The following SLC1A1 variants were observed in gnomAD, a reference collection of about 807,000 sequenced individuals.
The protein encoded by SLC1A1 is solute carrier family 1 member 1, also known as excitatory amino acid transporter 3.
Under a neutral mutation model 53.3 loss-of-function variants are expected in SLC1A1, and 43 were observed. The ratio of observed to expected loss-of-function variants is 0.81; its 90% CI spans 0.63 to 1.04. SLC1A1 has a LOEUF of 1.04. Among genes scored for constraint, SLC1A1 ranks in the 50% least tolerant of loss-of-function variants. The pLI is 0.00. For synonymous variants in SLC1A1, 307 were observed against 243.2 expected (o/e 1.26, Z -2.44); for missense variants, 748 against 664.9 (o/e 1.12, Z -1.37).
chr9:4,572,277 G>C lies in SLC1A1; in HGVS notation c.656G>C (p.Cys219Ser). Residue 219 changes from cysteine (C) to serine (S), a missense_variant, in exon 7 of 12, where the codon TGC becomes TCC. Physicochemically the swap from Cys to Ser is moderately radical, Grantham distance 112. Transcript: ENST00000262352. ...GINVLGLIVF[C>S]LVFGLVIGKM... ...AACGTCCTGGGCTTGATTGTCTTTT[G>C]CCTTGTCTTTGGACTTGTCATTGGA... 6.2e-7 allele frequency: 1 copy of C among 1,614,072 alleles called. No homozygotes were observed. The highest frequency in any genetic ancestry group is 1.1e-5 in the South Asian group (1 of 91,078).
intron 7 of SLC1A1, 42 bp downstream of exon 7, chr9:4,572,430 A>G (rs1173976459): frequency 1.3e-6 from 2 of 1,517,614 alleles, no homozygotes; most frequent in East Asian, 4.5e-5. Flanking sequence ...TCCCCTGACA[A>G]TTCTGTCTCC....
chr9:4,572,291 C>A lies in SLC1A1; in HGVS notation c.670C>A (p.Leu224Ile), dbSNP rs776215598. The change falls in exon 7 of 12, where the codon CTT (leucine) becomes ATT (isoleucine). Residue 224 changes from leucine to isoleucine, a missense_variant. Transcript: ENST00000262352. ...GATTGTCTTTTGCCTTGTCTTTGGACTTGTCATTGGAAAAATGGGAGAAAA... is the reference window on the plus strand; with the variant it reads ...GATTGTCTTTTGCCTTGTCTTTGGAATTGTCATTGGAAAAATGGGAGAAAA... ...GLIVFCLVFGLVIGKMGEKGQ... is the reference protein window; with the variant it reads ...GLIVFCLVFGIVIGKMGEKGQ... 137 of 1,613,854 alleles carry A rather than the reference C, an allele frequency of 8.5e-5. No individual in the cohort carries two copies. Among genetic ancestry groups the A allele is most frequent in the Non-Finnish European group, 1.1e-4 (126 of 1,179,900 alleles).
At chr9:4,510,831 C>A (rs996536462) in intron 1 of SLC1A1, among the ~76,000 whole-genome samples, 1 of 152,170 alleles carries the variant, frequency 6.6e-6, no homozygotes, top group African/African-American at 2.4e-5. Flanking sequence ...ATTGGCTAGA[C>A]CAGGGTCCCT....
Position 4,585,395 on chromosome 9 carries a change from A to G in SLC1A1, c.1412A>G (p.Glu471Gly). Residue 471 changes from glutamate to glycine, a missense_variant, in exon 12 of 12, where the codon GAG becomes GGG. Glu to Gly is a moderately conservative substitution (Grantham distance 98, BLOSUM62 -2). Transcript: ENST00000262352. ...IVEKLSKKEL[E>G]QMDVSSEVNI... ...GAAAAGCTCTCCAAGAAGGAGCTGG[A>G]GCAGATGGATGTTTCATCTGAAGTC... 6.2e-7 allele frequency: 1 copy of G among 1,614,198 alleles called. No homozygotes were observed. Among genetic ancestry groups the G allele is most frequent in the Non-Finnish European group, 8.5e-7 (1 of 1,180,024 alleles).
chr9:4,518,185 A>C (rs1815929053), intron 1 of SLC1A1, among the ~76,000 whole-genome samples: 1 of 135,012 alleles, frequency 7.4e-6, no homozygotes, highest in Non-Finnish European at 1.6e-5. Context: ...CAGTGAGCCG[A>C]GATCTCACCA....
intron 5 of SLC1A1, among the ~76,000 whole-genome samples, chr9:4,567,338 A>G (rs1478656071): frequency 6.6e-6 from 1 of 152,356 alleles, no homozygotes; most frequent in East Asian, 1.9e-4. Context: ...GAATCCTTAC[A>G]GAGTCTGTCT....
chr9:4,525,075 C>T (rs183040923), intron 1 of SLC1A1, among the ~76,000 whole-genome samples: 76 of 152,222 alleles, frequency 5.0e-4, no homozygotes, highest in Non-Finnish European at 8.7e-4. Context: ...GTCTTAATAT[C>T]CACATGGGGA....
At chr9:4,563,432 C>A (rs1050043641) in intron 3 of SLC1A1, among the ~76,000 whole-genome samples, 2 of 152,216 alleles carry the variant, frequency 1.3e-5, no homozygotes, top group Admixed American at 1.3e-4. Flanking sequence ...TATAGCCCTT[C>A]TACAACCCTG....
chr9:4,585,480 C>T lies in SLC1A1; in HGVS notation c.1497C>T (p.Thr499=), dbSNP rs575694702. 1 of 1,614,174 alleles carries T rather than the reference C, an allele frequency of 6.2e-7. No individual in the cohort carries two copies. Among genetic ancestry groups the T allele is most frequent in the Non-Finnish European group, 8.5e-7 (1 of 1,180,028 alleles). Residue 499 remains threonine (T), a synonymous_variant, in exon 12 of 12, where the codon ACC becomes ACT. Coordinates refer to ENST00000262352, the MANE Select transcript of SLC1A1 (RefSeq NM_004170.6). ...TCCTTGACAACGAAGACTCAGACAC[C>T]AAGAAGTCTTATGTCAATGGAGGCT... ...STILDNEDSD[T]KKSYVNGGFA... is the part of the protein sequence containing the mutation.
chr9:4,559,938 G>A (rs149216356), intron 2 of SLC1A1: 2 of 152,240 alleles, frequency 1.3e-5, no homozygotes, highest in East Asian at 3.9e-4. Context: ...GAGAGCAAAG[G>A]TTTCTGGCAA....
rs370378540 is a variant in SLC1A1, at chr9:4,580,651, G to GTGTGTGTGTGTATGTGTGTGTGTGTA, written c.1194-2386_1194-2385insGTGTGTGTGTATGTGTGTGTGTGTAT. Among the ~76,000 whole-genome samples, 110 of 118,808 alleles carry GTGTGTGTGTGTATGTGTGTGTGTGTA rather than the reference G, an allele frequency of 9.3e-4. 4 individuals are homozygous for GTGTGTGTGTGTATGTGTGTGTGTGTA. Among genetic ancestry groups the GTGTGTGTGTGTATGTGTGTGTGTGTA allele is most frequent in the African/African-American group, 3.0e-3 (90 of 30,094 alleles). The allele number at this position is 118,808 out of a possible 152,430, so 77.9% of individuals were successfully genotyped here. A position where few individuals can be genotyped will look rare whatever the true frequency, so the allele number is the denominator to read the frequency against. On this transcript the variant is annotated intron_variant, in intron 10 of 11. Transcript: ENST00000262352. ...TGTGTGTGTGTGTGTGTGTGTGTGTGTATAAGGAATAAAGAAGAAAGACAA... is the reference window on the plus strand; with the variant it reads ...TGTGTGTGTGTGTGTGTGTGTGTGTGTGTGTGTGTGTATGTGTGTGTGTGTATATAAGGAATAAAGAAGAAAGACAA...
At chr9:4,539,026 C>A (rs1726195448) in intron 1 of SLC1A1, among the ~76,000 whole-genome samples, 1 of 152,178 alleles carries the variant, frequency 6.6e-6, no homozygotes, top group South Asian at 2.1e-4. Flanking sequence ...ATTAAAAATA[C>A]TTTTTCCTTT....
At chr9:4,572,143 C>G (rs1472054186) in intron 6 of SLC1A1, 61 bp from the exon 7 acceptor site, 7 of 1,405,314 alleles carry the variant, frequency 5.0e-6, no homozygotes, top group Non-Finnish European at 5.0e-6. Context: ...ATTTCTGGAC[C>G]TGTGCTTTCT....
intron 1 of SLC1A1, among the ~76,000 whole-genome samples, chr9:4,523,623 T>C (rs1461036668): frequency 2.0e-5 from 3 of 152,230 alleles, no homozygotes; most frequent in African/African-American, 7.2e-5. Flanking sequence ...TCCTTAACTC[T>C]GTAACCATGA....
intron 1 of SLC1A1, among the ~76,000 whole-genome samples, chr9:4,530,193 C>CA (rs775498147): frequency 9.9e-5 from 15 of 151,988 alleles, no homozygotes; most frequent in Non-Finnish European, 2.2e-4. Flanking sequence ...AAAGAGGGCC[C>CA]AATTCTTCCC....
chr9:4,557,309 C>T (rs1818503387), intron 2 of SLC1A1, among the ~76,000 whole-genome samples: 2 of 152,328 alleles, frequency 1.3e-5, no homozygotes, highest in South Asian at 4.1e-4. Flanking sequence ...GTAGCATCTT[C>T]CTTTCCCCTG....
intron 1 of SLC1A1, among the ~76,000 whole-genome samples, chr9:4,517,041 T>C (rs2130823342): frequency 6.6e-6 from 1 of 152,334 alleles, no homozygotes; most frequent in African/African-American, 2.4e-5. Context: ...TCCTAACCTG[T>C]GTTACATTAT....
In SLC1A1 at chr9:4,572,279, C is replaced by T. The variant is rs777567638; in HGVS notation, c.658C>T (p.Leu220Phe). ...CGTCCTGGGCTTGATTGTCTTTTGCCTTGTCTTTGGACTTGTCATTGGAAA... is the reference window on the plus strand; with the variant it reads ...CGTCCTGGGCTTGATTGTCTTTTGCTTTGTCTTTGGACTTGTCATTGGAAA... ...INVLGLIVFCLVFGLVIGKMG... is the reference protein window; with the variant it reads ...INVLGLIVFCFVFGLVIGKMG... Residue 220 changes from leucine to phenylalanine, a missense_variant, in exon 7 of 12, where the codon CTT (leucine) becomes TTT (phenylalanine). Leu to Phe is a conservative substitution (Grantham distance 22, BLOSUM62 0). Coordinates refer to ENST00000262352, the MANE Select transcript of SLC1A1 (RefSeq NM_004170.6). The T allele has an allele frequency of 6.2e-7, 1 of 1,614,030 alleles. No individual in the cohort carries two copies. The highest frequency in any genetic ancestry group is 1.1e-5 in the South Asian group (1 of 91,076).
intron 1 of SLC1A1, among the ~76,000 whole-genome samples, chr9:4,512,074 T>C (rs1160818258): frequency 6.6e-6 from 1 of 152,146 alleles, no homozygotes; most frequent in Admixed American, 6.5e-5. Context: ...CCAAAGTAAA[T>C]GGAGAGACAT....
Sources: allele counts gnomAD v4.1 joint callset (sites outside exome capture counted in the v4.1 genomes callset), GRCh38; gene constraint gnomAD v4.1.1; transcripts MANE v1.5; gene names NCBI Gene and HGNC (gene_info 2026-07-23, HGNC 2026-07-21).